Variants in MYO1H observed in about 807,000 individuals in gnomAD.
MYO1H encodes unconventional myosin-Ih.
MYO1H carries 118 observed loss-of-function variants against 149.3 expected under a neutral mutation model. That is an observed-to-expected ratio of 0.79 (90% CI 0.68 to 0.92). MYO1H has a LOEUF of 0.92. Ranked by LOEUF, MYO1H falls within the 40% of genes least tolerant of loss-of-function variation. MYO1H has a pLI of 0.00. For missense variants in MYO1H, 1,212 were observed against 1,280.7 expected, an observed-to-expected ratio of 0.95 and a Z score of 0.82; for synonymous variants, 447 against 465.2, an observed-to-expected ratio of 0.96 and a Z score of 0.50.
chr12:109,359,273 G>A (rs1012180608), intron 1 of MYO1H: 1 of 152,104 alleles, frequency 6.6e-6, no homozygotes, highest in Admixed American at 6.6e-5. Flanking sequence ...GTCTCTTTGT[G>A]TTAAAGTGGG....
chr12:109,433,566 G>A (rs1028121180), intron 20 of MYO1H, among the ~76,000 whole-genome samples: 1 of 152,198 alleles, frequency 6.6e-6, no homozygotes, highest in African/African-American at 2.4e-5. Flanking sequence ...GCAGGGAAAG[G>A]TGTCTCAGCA....
At chr12:109,388,174 GA>G (rs1472457271) in intron 1 of MYO1H, among the ~76,000 whole-genome samples, 4 of 150,906 alleles carry the variant, frequency 2.7e-5, no homozygotes, top group African/African-American at 9.9e-5. Context: ...TTGAAATAAA[GA>G]AAAATTAATT....
the MYO1H span, among the ~76,000 whole-genome samples, chr12:109,334,398 A>G: frequency 6.7e-6 from 1 of 149,864 alleles, no homozygotes; most frequent in Non-Finnish European, 1.5e-5. Flanking sequence ...CTGGTCTTGA[A>G]CTCCTGGCCT....
chr12:109,347,169 C>T (rs565255640), upstream of MYO1H, among the ~76,000 whole-genome samples: 1 of 152,282 alleles, frequency 6.6e-6, no homozygotes, highest in East Asian at 1.9e-4. Flanking sequence ...TAGCCATGAT[C>T]CTGTTGCAGC....
At chr12:109,403,917 G>A in intron 6 of MYO1H, 65 bp from the exon 7 acceptor site, 3 of 1,084,682 alleles carry the variant, frequency 2.8e-6, no homozygotes, top group African/African-American at 1.5e-5. Context: ...TCTTCAGAGA[G>A]GAATAGACAT....
intron 1 of MYO1H, among the ~76,000 whole-genome samples, chr12:109,362,873 G>C (rs1334183415): frequency 6.6e-6 from 1 of 152,230 alleles, no homozygotes; most frequent in African/African-American, 2.4e-5. Flanking sequence ...ATATCTTGCA[G>C]TCCATCAGTT....
At chr12:109,425,870 C>G (rs1871332688) in intron 17 of MYO1H, 76 bp from the exon 18 acceptor site, 1 of 1,065,626 alleles carries the variant, frequency 9.4e-7, no homozygotes, top group African/African-American at 1.6e-5. Context: ...TGAGCCCTGG[C>G]CAGTCTTTTT....
intron 25 of MYO1H, 90 bp downstream of exon 25, chr12:109,440,917 T>A: frequency 1.1e-6 from 1 of 947,460 alleles, no homozygotes; most frequent in Non-Finnish European, 1.7e-6. Flanking sequence ...CCATTTCACC[T>A]ATAAGCGGGG....
chr12:109,313,598 G>A, the MYO1H span, among the ~76,000 whole-genome samples: 200 of 152,294 alleles, frequency 1.3e-3, no homozygotes, highest in Middle Eastern at 3.4e-3. Flanking sequence ...ATGTTTCCGG[G>A]AAGGGAATGC....
At chr12:109,377,391 C>T (rs1258562018) in intron 1 of MYO1H, among the ~76,000 whole-genome samples, 1 of 152,140 alleles carries the variant, frequency 6.6e-6, no homozygotes, top group Admixed American at 6.5e-5. Context: ...GGAGGTATCA[C>T]CTGATGGGCT....
At chr12:109,344,141 G>T (rs971793416), upstream of MYO1H, among the ~76,000 whole-genome samples, 2 of 152,058 alleles carry the variant, frequency 1.3e-5, no homozygotes, top group Admixed American at 1.3e-4. Context: ...AGGGGTTATT[G>T]GGAAGACCAC....
chr12:109,391,394 C>G (rs1278818699), intron 2 of MYO1H, among the ~76,000 whole-genome samples: 3 of 152,200 alleles, frequency 2.0e-5, no homozygotes, highest in Non-Finnish European at 4.4e-5. Context: ...TTCCATGTCC[C>G]AGCAAAGGAC....
chr12:109,317,248 G>A, the MYO1H span, among the ~76,000 whole-genome samples: 1 of 152,200 alleles, frequency 6.6e-6, no homozygotes, highest in African/African-American at 2.4e-5. Context: ...CTTGAATGCA[G>A]ATCACTTTAC....
At chr12:109,352,601 A>G (rs1040381665) in intron 1 of MYO1H, among the ~76,000 whole-genome samples, 1 of 152,224 alleles carries the variant, frequency 6.6e-6, no homozygotes, top group African/African-American at 2.4e-5. Flanking sequence ...TTTCTCCCCG[A>G]CATGTATGAT....
chr12:109,421,880 C>T (rs1320824141), intron 16 of MYO1H, among the ~76,000 whole-genome samples: 1 of 152,186 alleles, frequency 6.6e-6, no homozygotes, highest in Non-Finnish European at 1.5e-5. Flanking sequence ...GGCTGGAGTG[C>T]AGTGACGTCA....
chr12:109,409,491 A>G, intron 10 of MYO1H, 66 bp from the exon 11 acceptor site: 5 of 1,369,722 alleles, frequency 3.7e-6, no homozygotes, highest in Non-Finnish European at 5.2e-6. Context: ...TTAGGGGAGC[A>G]GCAACAGTTT....
chr12:109,371,969 C>T (rs73403729), intron 1 of MYO1H, among the ~76,000 whole-genome samples: 2,158 of 152,126 alleles, frequency 0.014, 49 homozygotes, highest in African/African-American at 0.049. Context: ...TTGTTGTTTA[C>T]ATCCTTCATT....
intron 1 of MYO1H, among the ~76,000 whole-genome samples, chr12:109,351,995 G>C (rs1868469079): frequency 2.0e-5 from 3 of 152,088 alleles, no homozygotes; most frequent in South Asian, 4.1e-4. Context: ...TAGACATTCA[G>C]GATTCCATAA....
chr12:109,435,459 G>A (rs1871820487), intron 21 of MYO1H, among the ~76,000 whole-genome samples: 1 of 152,152 alleles, frequency 6.6e-6, no homozygotes, highest in Non-Finnish European at 1.5e-5. Flanking sequence ...ATGTTGGAAA[G>A]TTTAGCTTCA....
Sources: gnomAD v4.1 joint callset for allele counts (sites outside exome capture counted in the v4.1 genomes callset) on GRCh38, gnomAD v4.1.1 for gene constraint, MANE v1.5 for transcripts, NCBI Gene and HGNC (gene_info 2026-07-23, HGNC 2026-07-21) for gene names.